SLC19A1: variants seen among roughly 807,000 people sequenced by gnomAD.
SLC19A1 encodes the protein solute carrier family 19 member 1.
A neutral mutation model predicts 35.3 loss-of-function variants in SLC19A1; 37 were observed. The ratio of observed to expected loss-of-function variants is 1.05; its 90% CI spans 0.81 to 1.38. The LOEUF is 1.38. SLC19A1 is among the 40% of genes most tolerant of loss of function. SLC19A1 has a pLI of 0.00. For synonymous variants in SLC19A1, 460 were observed against 398.5 expected (o/e 1.15, Z -1.84); for missense variants, 831 against 826.9 (o/e 1.00, Z -0.06).
At chr21:45,524,109 C>A (rs1353680551) in intron 5 of SLC19A1, among the ~76,000 whole-genome samples, 1 of 151,236 alleles carries the variant, frequency 6.6e-6, no homozygotes, top group African/African-American at 2.4e-5. Context: ...TGAGCGTTCA[C>A]CCCTGGGCCT....
chr21:45,504,288 C>T, intron 3 of SLC19A1: 1 of 994,438 alleles, frequency 1.0e-6, no homozygotes, highest in Non-Finnish European at 1.5e-6. Context: ...CTATTCTATG[C>T]AGCCAGCAGC....
chr21:45,532,120 G>A lies in SLC19A1; in HGVS notation c.218C>T (p.Ser73Leu), dbSNP rs777559401. 6.8e-6 allele frequency: 11 copies of A among 1,608,486 alleles called. No individual in the cohort carries two copies. The highest frequency in any genetic ancestry group is 1.7e-4 in the Middle Eastern group (1 of 6,046). ...QVTNEITPVL[S>L]YSYLAVLVPV... ...CACCAGCACGGCCAGGTAGGAGTAC[G>A]ACAGCACCGGCGTGATCTCGTTCGT... Residue 73 changes from serine (S) to leucine (L), a missense_variant, in exon 3 of 6, where the codon TCG becomes TTG. Physicochemically the swap from Ser to Leu is moderately radical, Grantham distance 145. Transcript: ENST00000311124.
intron 3 of SLC19A1, among the ~76,000 whole-genome samples, chr21:45,503,327 A>G (rs902031998): frequency 2.0e-5 from 3 of 151,936 alleles, no homozygotes; most frequent in East Asian, 3.9e-4. Context: ...GCCAGTGATG[A>G]TGAGCATTTT....
At chr21:45,507,100 G>A (rs547169380) in intron 3 of SLC19A1, 55 of 319,314 alleles carry the variant, frequency 1.7e-4, no homozygotes, top group East Asian at 1.6e-3. Flanking sequence ...GCAACCTGCC[G>A]TGGACTGGGA....
intron 5 of SLC19A1, among the ~76,000 whole-genome samples, chr21:45,519,884 G>A (rs114252827): frequency 0.013 from 1,964 of 152,252 alleles, 38 homozygotes; most frequent in African/African-American, 0.041. Flanking sequence ...AGCATTTACA[G>A]AACACTCCAC....
rs892847780 is a variant in SLC19A1, at chr21:45,533,795, C to T, written c.190-1647G>A. On this transcript the variant is annotated intron_variant, in intron 2 of 5. Coordinates refer to ENST00000311124, the MANE Select transcript of SLC19A1 (RefSeq NM_194255.4). This position sits in a 1 kb window ranked among gnomAD's most constrained non-coding sequence, Gnocchi z 4.5. Reference sequence around the variant, plus strand: ...CGTGGGGTGCTGCGCCGAGCCACGCCGCCTCCCCGGGGGCTCTCAGCCTCG... The same window carrying T: ...CGTGGGGTGCTGCGCCGAGCCACGCTGCCTCCCCGGGGGCTCTCAGCCTCG... Among the ~76,000 whole-genome samples, 4 of 152,212 alleles carry T rather than the reference C, an allele frequency of 2.6e-5. No individual in the cohort carries two copies. Among genetic ancestry groups the T allele is most frequent in the South Asian group, 4.1e-4 (2 of 4,820 alleles).
chr21:45,503,356 G>C (rs2036968955), intron 3 of SLC19A1, among the ~76,000 whole-genome samples: 1 of 151,958 alleles, frequency 6.6e-6, no homozygotes, highest in African/African-American at 2.4e-5. Context: ...TTTTTTGGCT[G>C]CATAAATGTC....
chr21:45,509,569 C>A (rs944484754), downstream of SLC19A1: 6 of 1,530,040 alleles, frequency 3.9e-6, no homozygotes, highest in Non-Finnish European at 5.3e-6. Flanking sequence ...CACAAGCCCA[C>A]CCGCCCACAG....
chr21:45,508,955 G>A (rs757164620), downstream of SLC19A1, among the ~76,000 whole-genome samples: 21 of 152,260 alleles, frequency 1.4e-4, no homozygotes, highest in Non-Finnish European at 2.4e-4. Flanking sequence ...CCTGGGGGCT[G>A]GGATTTCTAG....
rs2077930325 is a variant in SLC19A1, at chr21:45,531,893, A to G, written c.445T>C (p.Tyr149His). 6.3e-7 allele frequency: 1 copy of G among 1,588,078 alleles called. No homozygotes were observed. Among genetic ancestry groups the G allele is most frequent in the Non-Finnish European group, 8.6e-7 (1 of 1,167,934 alleles). The change falls in exon 3 of 6, where the codon TAC becomes CAC. Residue 149 changes from tyrosine (Y) to histidine (H), a missense_variant. Tyr to His is a moderately conservative substitution (Grantham distance 83, BLOSUM62 2). Coordinates refer to ENST00000311124, the MANE Select transcript of SLC19A1 (RefSeq NM_194255.4). The stretch of plus-strand genomic sequence containing the variant: ...CGCGAGTAGCCGGCCACACGCTGGT[A>G]GCGCGCGGGCCGCACGAGAGAGAAG... ...YIFSLVRPAR[Y>H]QRVAGYSRAA... is the part of the protein sequence containing the mutation.
Position 45,515,819 on chromosome 21 carries a change from G to A in SLC19A1, c.1615C>T (p.Pro539Ser), listed in dbSNP as rs1449063499. The change falls in exon 6 of 6, where the codon CCA (proline) becomes TCA (serine). Residue 539 changes from proline to serine, a missense_variant. Pro to Ser is a moderately conservative substitution (Grantham distance 74, BLOSUM62 -1). Coordinates refer to ENST00000311124, the MANE Select transcript of SLC19A1 (RefSeq NM_194255.4). Reference sequence around the variant, plus strand: ...GTGCAGGGGGAAGGGGTTGTCACTGGGCTCAGGAATTCAGCTGCCTGCGGG... The same window carrying A: ...GTGCAGGGGGAAGGGGTTGTCACTGAGCTCAGGAATTCAGCTGCCTGCGGG... Reference protein sequence around the residue: ...PAPQAAEFLSPVTTPSPCTLC... With the variant: ...PAPQAAEFLSSVTTPSPCTLC... 1 of 1,609,362 alleles carries A rather than the reference G, an allele frequency of 6.2e-7. No individual in the cohort carries two copies. Among genetic ancestry groups the A allele is most frequent in the Admixed American group, 1.7e-5 (1 of 59,642 alleles).
intron 4 of SLC19A1, among the ~76,000 whole-genome samples, chr21:45,527,815 G>T (rs1046118182): frequency 7.2e-5 from 11 of 152,048 alleles, no homozygotes; most frequent in Non-Finnish European, 1.5e-4. Context: ...GTGAGCGGTG[G>T]CATGAACATG....
Position 45,515,414 on chromosome 21 carries a change from C to T in SLC19A1, c.*244G>A, listed in dbSNP as rs2037853794. ...CTGGTGGACGCAGAAGCCCACCACC[C>T]ACCTCTTCCAGCAACAAAGCCCGCG... On this transcript the variant is annotated 3_prime_UTR_variant, in exon 6 of 6. Coordinates refer to ENST00000311124, the MANE Select transcript of SLC19A1 (RefSeq NM_194255.4). 2.1e-6 allele frequency: 3 copies of T among 1,413,164 alleles called. No homozygotes were observed. The highest frequency in any genetic ancestry group is 1.5e-5 in the South Asian group (1 of 67,172). The allele number at this position is 1,413,164 out of a possible 1,614,324, so 87.5% of individuals were successfully genotyped here.
intron 1 of SLC19A1, among the ~76,000 whole-genome samples, chr21:45,556,171 G>C (rs904324700): frequency 2.0e-5 from 3 of 152,232 alleles, no homozygotes; most frequent in African/African-American, 7.2e-5. Flanking sequence ...CCCGGAAGAG[G>C]GTGGCTGCAG....
At chr21:45,508,573 G>A (rs117312236), downstream of SLC19A1, among the ~76,000 whole-genome samples, 395 of 152,210 alleles carry the variant, frequency 2.6e-3, no homozygotes, top group Non-Finnish European at 4.3e-3. Context: ...TAAGTGTTGC[G>A]TCCAGCTGCT....
chr21:45,511,356 C>A, downstream of SLC19A1: 1 of 686,584 alleles, frequency 1.5e-6, no homozygotes, highest in South Asian at 1.5e-5. Context: ...TTTAAAATTA[C>A]AAAATCCAAA....
chr21:45,535,539 C>T (rs757330798), intron 2 of SLC19A1, among the ~76,000 whole-genome samples: 21 of 152,318 alleles, frequency 1.4e-4, no homozygotes, highest in Non-Finnish European at 2.6e-4. Flanking sequence ...TCACAGCGGC[C>T]AGACGGCCGG....
At position 45,514,774 on chromosome 21, in the gene SLC19A1, G is replaced by A. The variant is rs1602680935; in HGVS notation, c.*884C>T. 3.9e-6 allele frequency: 2 copies of A among 510,734 alleles called. No individual in the cohort carries two copies. Among genetic ancestry groups the A allele is most frequent in the African/African-American group, 2.0e-5 (1 of 49,484 alleles). 31.6% of individuals were successfully genotyped at this position (510,734 alleles called of 1,614,324 possible). ...TATTCACATCACATCAGATGGTCCC[G>A]CACCTGTGGGCAAGGCACTAGCGCT... On this transcript the variant is annotated 3_prime_UTR_variant, in exon 6 of 6. Coordinates refer to ENST00000311124, the MANE Select transcript of SLC19A1 (RefSeq NM_194255.4).
intron 1 of SLC19A1, among the ~76,000 whole-genome samples, chr21:45,562,144 A>C (rs527982443): frequency 1.3e-5 from 2 of 151,882 alleles, no homozygotes; most frequent in African/African-American, 4.8e-5. Flanking sequence ...AAAAAAAAAA[A>C]AAAAGACAAA....
Sources: allele counts gnomAD v4.1 joint callset (sites outside exome capture counted in the v4.1 genomes callset), GRCh38; gene constraint gnomAD v4.1.1; non-coding constraint Gnocchi (gnomAD v3.1); transcripts MANE v1.5; gene names NCBI Gene and HGNC (gene_info 2026-07-23, HGNC 2026-07-21).